Variants in MYO1E observed in about 807,000 individuals in gnomAD.
The protein encoded by MYO1E is myosin IE.
A neutral mutation model predicts 151.1 loss-of-function variants in MYO1E; 68 were observed. The observed-to-expected ratio is 0.45, with a 90% CI of 0.37 to 0.55. The LOEUF (loss-of-function observed/expected upper bound fraction) is 0.55. Among genes scored for constraint, MYO1E ranks in the 20% least tolerant of loss-of-function variants. The pLI is 0.00. For missense variants in MYO1E, 1,363 were observed against 1,389.3 expected (o/e 0.98, Z 0.30); for synonymous variants, 601 against 501.7 (o/e 1.20, Z -2.64).
intron 1 of MYO1E, among the ~76,000 whole-genome samples, chr15:59,283,808 C>T (rs1241032378): frequency 6.6e-6 from 1 of 152,222 alleles, no homozygotes; most frequent in Non-Finnish European, 1.5e-5. Context: ...ATTGTACCTA[C>T]TGCCTCTCAT....
At chr15:59,281,923 C>A (rs2080355249) in intron 1 of MYO1E, among the ~76,000 whole-genome samples, 2 of 150,664 alleles carry the variant, frequency 1.3e-5, no homozygotes, top group Admixed American at 1.3e-4. Flanking sequence ...ATGATTGCAC[C>A]ACTGCACTCC....
intron 2 of MYO1E, among the ~76,000 whole-genome samples, chr15:59,262,458 AC>A (rs2080229675): frequency 6.6e-6 from 1 of 152,066 alleles, no homozygotes; most frequent in Non-Finnish European, 1.5e-5. Context: ...CTCTAAAAAA[AC>A]AAAAACAAAA....
chr15:59,221,588 G>A (rs2079956780), intron 9 of MYO1E, among the ~76,000 whole-genome samples: 1 of 152,138 alleles, frequency 6.6e-6, no homozygotes. Context: ...ATTATTGGTA[G>A]GGGGAGGCCC....
intron 1 of MYO1E, among the ~76,000 whole-genome samples, chr15:59,348,229 A>C (rs2080805218): frequency 6.6e-6 from 1 of 152,156 alleles, no homozygotes; most frequent in Non-Finnish European, 1.5e-5. Context: ...ACAAAGGCTT[A>C]CCTTTTGTAA....
intron 26 of MYO1E, among the ~76,000 whole-genome samples, chr15:59,151,775 G>A (rs768494943): frequency 4.7e-4 from 72 of 151,794 alleles, no homozygotes; most frequent in Admixed American, 2.4e-3. Flanking sequence ...TAGGCTGGGT[G>A]CGGTGGCTCA....
At position 59,134,953 on chromosome 15, in the gene MYO1E, GTTAT is replaced by G. The variant is rs2079363762; in HGVS notation, c.*2423_*2426del. The G allele has an allele frequency of 6.6e-6, 1 of 152,200 alleles. No individual in the cohort carries two copies. Among genetic ancestry groups the G allele is most frequent in the Non-Finnish European group, 1.5e-5 (1 of 68,030 alleles). The allele number at this position is 152,200 out of a possible 1,614,324, so 9.4% of individuals were successfully genotyped here. On this transcript the variant is annotated 3_prime_UTR_variant, in exon 28 of 28. Coordinates refer to ENST00000288235, the MANE Select transcript of MYO1E (RefSeq NM_004998.4). The stretch of plus-strand genomic sequence containing the variant: ...TTTTAATTAGGAAAAAAAGGGAAAT[GTTAT>G]TTATCCCAGATTTTTCTGGTAGTCC...
chr15:59,156,534 GC>G (rs1359750209), intron 25 of MYO1E, among the ~76,000 whole-genome samples: 1 of 152,180 alleles, frequency 6.6e-6, no homozygotes, highest in Non-Finnish European at 1.5e-5. Context: ...TTGCTGTGTT[GC>G]CCAGGCTGGG....
chr15:59,259,995 C>G (rs1233809378), intron 3 of MYO1E, among the ~76,000 whole-genome samples: 1 of 152,210 alleles, frequency 6.6e-6, no homozygotes, highest in Non-Finnish European at 1.5e-5. Context: ...ATTATTGCTG[C>G]AAGTATAACA....
At chr15:59,210,293 T>G (rs2079870849) in intron 13 of MYO1E, among the ~76,000 whole-genome samples, 1 of 151,604 alleles carries the variant, frequency 6.6e-6, no homozygotes, top group Admixed American at 6.6e-5. Context: ...CAACTTCCAT[T>G]TGTACATTGA....
intron 6 of MYO1E, among the ~76,000 whole-genome samples, chr15:59,229,266 G>T (rs2080011161): frequency 6.6e-6 from 1 of 152,100 alleles, no homozygotes; most frequent in Admixed American, 6.6e-5. Context: ...GAAACACCTG[G>T]GGAGCCTTTC....
chr15:59,356,078 A>G (rs1362174543), intron 1 of MYO1E, among the ~76,000 whole-genome samples: 1 of 152,164 alleles, frequency 6.6e-6, no homozygotes, highest in Non-Finnish European at 1.5e-5. Context: ...TATACAACAG[A>G]TTCTGTTTTC....
At chr15:59,272,213 C>T in intron 2 of MYO1E, 93 bp downstream of exon 2, 1 of 1,443,532 alleles carries the variant, frequency 6.9e-7, no homozygotes, top group Non-Finnish European at 9.7e-7. Flanking sequence ...TGGGATTACA[C>T]ACGTGAGCCA....
chr15:59,170,077 C>G (rs1360708366), intron 22 of MYO1E, among the ~76,000 whole-genome samples: 3 of 152,158 alleles, frequency 2.0e-5, no homozygotes, highest in Non-Finnish European at 4.4e-5. Context: ...AGGAGAACCA[C>G]TTGGACCAGG....
intron 6 of MYO1E, among the ~76,000 whole-genome samples, chr15:59,230,254 G>A (rs1391860598): frequency 6.6e-6 from 1 of 151,018 alleles, no homozygotes; most frequent in Non-Finnish European, 1.5e-5. Flanking sequence ...GTGTGTGTGT[G>A]CAGGTGAATG....
At chr15:59,152,153 T>TG (rs1339358894) in intron 26 of MYO1E, among the ~76,000 whole-genome samples, 1 of 151,718 alleles carries the variant, frequency 6.6e-6, no homozygotes, top group East Asian at 1.9e-4. Flanking sequence ...CACTTGAACC[T>TG]GGGAGGAGGC....
intron 1 of MYO1E, among the ~76,000 whole-genome samples, chr15:59,304,692 T>C (rs1396785273): frequency 6.6e-6 from 1 of 152,230 alleles, no homozygotes; most frequent in Non-Finnish European, 1.5e-5. Flanking sequence ...AGGGCAGAAA[T>C]GCCCGGGAAT....
At chr15:59,262,225 A>T (rs1373109617) in intron 2 of MYO1E, among the ~76,000 whole-genome samples, 2 of 152,052 alleles carry the variant, frequency 1.3e-5, no homozygotes, top group African/African-American at 2.4e-5. Flanking sequence ...AAAATAAAAA[A>T]AAATATTCAT....
chr15:59,231,236 G>A (rs1452417593), intron 6 of MYO1E, among the ~76,000 whole-genome samples: 1 of 152,230 alleles, frequency 6.6e-6, no homozygotes, highest in Non-Finnish European at 1.5e-5. Context: ...CTGAGGGATG[G>A]AGAGGAGGAA....
In MYO1E at chr15:59,336,348, T is replaced by C. The variant is rs1205719742; in HGVS notation, c.3+36150A>G. ...TCATGCCACTGCACTCCAGTCTCGG[T>C]GATGGGAGTGAAACGCTGTCTCAAA... On this transcript the variant is annotated intron_variant, in intron 1 of 27. Coordinates refer to ENST00000288235, the MANE Select transcript of MYO1E (RefSeq NM_004998.4). Among the ~76,000 whole-genome samples the C allele has an allele frequency of 4.0e-5, 6 of 151,566 alleles. No individual in the cohort carries two copies. The East Asian group carries it at 1.2e-3, about 29-fold the overall frequency.
Sources: gnomAD v4.1 joint callset for allele counts (sites outside exome capture counted in the v4.1 genomes callset) on GRCh38, gnomAD v4.1.1 for gene constraint, MANE v1.5 for transcripts, NCBI Gene and HGNC (gene_info 2026-07-23, HGNC 2026-07-21) for gene names.